The following NRROS variants were observed in gnomAD, a reference collection of about 807,000 sequenced individuals.
NRROS encodes transforming growth factor beta activator LRRC33.
A neutral mutation model predicts 12.0 loss-of-function variants in NRROS; 6 were observed. The ratio of observed to expected loss-of-function variants is 0.50; its 90% CI spans 0.27 to 0.98. The LOEUF (loss-of-function observed/expected upper bound fraction) is 0.98. NRROS is among the 50% of genes least tolerant of loss of function. The probability of loss-of-function intolerance (pLI) is 0.11; values close to 1 mark genes in which losing one functional copy is unlikely to be tolerated. For synonymous variants in NRROS, 462 were observed against 410.2 expected (o/e 1.13, Z -1.53); for missense variants, 857 against 888.2 (o/e 0.96, Z 0.45).
At chr3:196,649,906 A>C (rs756807981) in intron 1 of NRROS, among the ~76,000 whole-genome samples, 5 of 152,132 alleles carry the variant, frequency 3.3e-5, no homozygotes, top group African/African-American at 4.8e-5. Context: ...TACGTATGGC[A>C]CTTGCTCAGA....
rs62636584 is a variant in NRROS, at chr3:196,661,545, C to G, written c.1902C>G (p.Pro634=). Residue 634 remains proline, a synonymous_variant, in exon 3 of 3, where the codon CCC becomes CCG. Coordinates refer to ENST00000328557, the MANE Select transcript of NRROS (RefSeq NM_198565.3). ...SSKIIRVTEL[P]GGVPRDCKWE... ...AGATCATCCGCGTGACGGAGCTGCC[C>G]GGAGGTGTGCCTCGGGACTGCAAGT... The G allele has an allele frequency of 1.1e-5, 17 of 1,613,934 alleles. No individual in the cohort carries two copies. Among genetic ancestry groups the G allele is most frequent in the Non-Finnish European group, 1.4e-5 (16 of 1,179,970 alleles).
intron 2 of NRROS, among the ~76,000 whole-genome samples, chr3:196,659,431 C>G (rs775627657): frequency 1.3e-5 from 2 of 151,644 alleles, no homozygotes; most frequent in African/African-American, 4.9e-5. Flanking sequence ...CCTCAGCCTC[C>G]GGAGTAGCTG....
intron 1 of NRROS, among the ~76,000 whole-genome samples, chr3:196,648,121 C>T (rs76926454): frequency 0.035 from 5,323 of 152,306 alleles, 127 homozygotes; most frequent in South Asian, 0.067. Flanking sequence ...AATTTAACAT[C>T]TCTTTTCAGG....
chr3:196,661,848 T>A lies in NRROS; in HGVS notation c.*126T>A. The A allele has an allele frequency of 1.2e-6, 1 of 821,030 alleles. No homozygotes were observed. The highest frequency in any genetic ancestry group is 1.8e-6 in the Non-Finnish European group (1 of 560,034). The allele number at this position is 821,030 out of a possible 1,614,324, so 50.9% of individuals were successfully genotyped here. A position where few individuals can be genotyped will look rare whatever the true frequency, so the allele number is the denominator to read the frequency against. Reference sequence around the variant, plus strand: ...AAGTTTCAATTAAAATTTAATATGTTTCCATTCCTCATCGCCCACCCCACC... The same window carrying A: ...AAGTTTCAATTAAAATTTAATATGTATCCATTCCTCATCGCCCACCCCACC... On this transcript the variant is annotated 3_prime_UTR_variant, in exon 3 of 3. Transcript: ENST00000328557.
intron 1 of NRROS, among the ~76,000 whole-genome samples, chr3:196,644,305 A>G (rs1737264852): frequency 6.6e-6 from 1 of 151,794 alleles, no homozygotes; most frequent in Admixed American, 6.6e-5. Context: ...AGGCTGAGGC[A>G]GGAGAATTGC....
intron 1 of NRROS, among the ~76,000 whole-genome samples, chr3:196,645,346 G>A (rs1304966730): frequency 6.6e-6 from 1 of 152,154 alleles, no homozygotes; most frequent in Non-Finnish European, 1.5e-5. Flanking sequence ...GGGGCTTGTG[G>A]TATTGAGGTT....
chr3:196,642,324 C>A (rs76420444), intron 1 of NRROS, among the ~76,000 whole-genome samples: 3,113 of 149,252 alleles, frequency 0.021, 71 homozygotes, highest in Admixed American at 0.069. Flanking sequence ...TTTCAAATAA[C>A]TGAAAAGTGT....
chr3:196,659,913 C>A lies in NRROS; in HGVS notation c.270C>A (p.Ser90Arg). The A allele has an allele frequency of 3.1e-6, 5 of 1,614,130 alleles. No homozygotes were observed. In the African/African-American group the frequency reaches 4.0e-5, roughly 13 times the overall value. Residue 90 changes from serine to arginine, a missense_variant, in exon 3 of 3, where the codon AGC becomes AGA. Coordinates refer to ENST00000328557, the MANE Select transcript of NRROS (RefSeq NM_198565.3). ...TCCTGGAGAGCCTCAGCCTGCACAG[C>A]TGCCACCTGGAGCGCATCAGCCGCG... ...YPLLESLSLH[S>R]CHLERISRGA... is the part of the protein sequence containing the mutation.
At chr3:196,640,344 C>G (rs992179815) in intron 1 of NRROS, among the ~76,000 whole-genome samples, 1 of 152,166 alleles carries the variant, frequency 6.6e-6, no homozygotes, top group Non-Finnish European at 1.5e-5. Context: ...TGTCCCACAA[C>G]GTGGATTGAG....
intron 1 of NRROS, among the ~76,000 whole-genome samples, chr3:196,644,749 G>A (rs2108635744): frequency 7.1e-6 from 1 of 141,600 alleles, no homozygotes; most frequent in Middle Eastern, 3.6e-3. Flanking sequence ...CTCCAGTCTG[G>A]CGACAGAGTG....
intron 1 of NRROS, among the ~76,000 whole-genome samples, chr3:196,643,087 A>C (rs897020979): frequency 1.3e-3 from 202 of 152,166 alleles, no homozygotes; most frequent in African/African-American, 4.5e-3. Context: ...AAAAAAAAAA[A>C]AAAGATAATC....
intron 1 of NRROS, among the ~76,000 whole-genome samples, chr3:196,643,124 C>T (rs1029879711): frequency 7.4e-5 from 11 of 148,880 alleles, no homozygotes; most frequent in Admixed American, 2.0e-4. Context: ...TATTTTACTA[C>T]AATTAAACAT....
rs947354741 is a variant in NRROS, at chr3:196,660,511, C to T, written c.868C>T (p.Leu290=). Residue 290 remains leucine (L), a synonymous_variant, in exon 3 of 3, where the codon CTG becomes TTG. Coordinates refer to ENST00000328557, the MANE Select transcript of NRROS (RefSeq NM_198565.3). The surrounding 1 kb of genome is among the most constrained non-coding windows in gnomAD (Gnocchi z 7.7). ...RDNNMGFYRD[L]YNTSSPREMV... is the part of the protein sequence containing the mutation. ...CAACAACATGGGCTTCTACCGGGAC[C>T]TGTACAACACCTCGTCGCCGAGGGA... The T allele has an allele frequency of 1.2e-6, 2 of 1,614,180 alleles. No homozygotes were observed. Among genetic ancestry groups the T allele is most frequent in the Non-Finnish European group, 1.7e-6 (2 of 1,180,040 alleles).
At position 196,654,595 on chromosome 3, in the gene NRROS, G is replaced by A; in HGVS notation, c.56G>A (p.Trp19Ter). Residue 19 changes from tryptophan (W) to a stop codon, truncating the protein, a stop_gained, in exon 2 of 3, where the codon TGG becomes TAG. Coordinates refer to ENST00000328557, the MANE Select transcript of NRROS (RefSeq NM_198565.3). LOFTEE classifies it high-confidence loss of function. This position sits in a 1 kb window ranked among gnomAD's most constrained non-coding sequence, Gnocchi z 4.4. ...GGTTTTCACTTCCTGACCGTGGGCT[G>A]GAGGAACAGAAGCGGAACAGCCACA... is the stretch of plus-strand genomic sequence containing the variant. ...CLGFHFLTVGWRNRSGTATAA... is the reference protein window; with the variant it reads ...CLGFHFLTVG 6.2e-7 allele frequency: 1 copy of A among 1,614,088 alleles called. No homozygotes were observed. The highest frequency in any genetic ancestry group is 8.5e-7 in the Non-Finnish European group (1 of 1,179,938).
rs1364651585 is a variant in NRROS, at chr3:196,654,764, A to G, written c.108+117A>G. 3.1e-6 allele frequency: 2 copies of G among 651,840 alleles called. No individual in the cohort carries two copies. The highest frequency in any genetic ancestry group is 2.9e-5 in the Admixed American group (1 of 34,920). The allele number at this position is 651,840 out of a possible 1,614,324, so 40.4% of individuals were successfully genotyped here. A position where few individuals can be genotyped will look rare whatever the true frequency, so the allele number is the denominator to read the frequency against. On this transcript the variant is annotated intron_variant, in intron 2 of 2. Coordinates refer to ENST00000328557, the MANE Select transcript of NRROS (RefSeq NM_198565.3). The surrounding 1 kb of genome is among the most constrained non-coding windows in gnomAD (Gnocchi z 4.4). Reference sequence around the variant, plus strand: ...GGCAGAGAATGAAGGAGCCTGCATCACTCTGTGCCTGCCTAGCACAGGGGC... The same window carrying G: ...GGCAGAGAATGAAGGAGCCTGCATCGCTCTGTGCCTGCCTAGCACAGGGGC...
At chr3:196,645,099 A>C (rs926868584) in intron 1 of NRROS, among the ~76,000 whole-genome samples, 2 of 152,182 alleles carry the variant, frequency 1.3e-5, no homozygotes, top group Non-Finnish European at 2.9e-5. Flanking sequence ...AATAATAAGA[A>C]ATTAGAAAAC....
At chr3:196,651,365 A>C (rs948985382) in intron 1 of NRROS, among the ~76,000 whole-genome samples, 56 of 152,342 alleles carry the variant, frequency 3.7e-4, no homozygotes, top group African/African-American at 1.2e-3. Flanking sequence ...TTAATGCAAG[A>C]AAGTGGCAAC....
intron 1 of NRROS, among the ~76,000 whole-genome samples, chr3:196,648,548 C>T (rs1577630194): frequency 1.3e-5 from 2 of 152,146 alleles, no homozygotes; most frequent in South Asian, 2.1e-4. Flanking sequence ...GGGTGGATCA[C>T]CTGAGGTCGG....
intron 1 of NRROS, among the ~76,000 whole-genome samples, chr3:196,645,718 A>C (rs1396882987): frequency 1.3e-5 from 2 of 152,086 alleles, no homozygotes; most frequent in Non-Finnish European, 2.9e-5. Context: ...GTGGGGGGAT[A>C]TATTTTCATT....
Sources: gnomAD v4.1 joint callset for allele counts (sites outside exome capture counted in the v4.1 genomes callset) on GRCh38, gnomAD v4.1.1 for gene constraint, Gnocchi (gnomAD v3.1) non-coding constraint, MANE v1.5 for transcripts, NCBI Gene and HGNC (gene_info 2026-07-23, HGNC 2026-07-21) for gene names.